Variants in ARB2A observed in about 807,000 individuals in gnomAD.
The protein encoded by ARB2A is ARB2 cotranscriptional regulator A.
chr5:93,639,241 C>A, the ARB2A span, among the ~76,000 whole-genome samples: 1 of 152,200 alleles, frequency 6.6e-6, no homozygotes, highest in African/African-American at 2.4e-5. Flanking sequence ...AAGTTCCTGT[C>A]ACTTTATGAC....
At chr5:93,701,254 A>G in the ARB2A span, among the ~76,000 whole-genome samples, 2 of 152,168 alleles carry the variant, frequency 1.3e-5, no homozygotes, top group African/African-American at 4.8e-5. Flanking sequence ...ATGCTATTCA[A>G]ATGAGCTTCA....
the ARB2A span, among the ~76,000 whole-genome samples, chr5:93,910,333 A>G: frequency 1.3e-5 from 2 of 151,292 alleles, no homozygotes; most frequent in South Asian, 4.2e-4. Flanking sequence ...AAAAGAATAT[A>G]AAGACCAAAA....
chr5:93,709,626 C>G, the ARB2A span, among the ~76,000 whole-genome samples: 1 of 85,576 alleles, frequency 1.2e-5, no homozygotes, highest in African/African-American at 5.6e-5. Flanking sequence ...GGGTGAGACT[C>G]TGTCACAAAA....
At chr5:93,993,599 T>G in the ARB2A span, among the ~76,000 whole-genome samples, 3 of 152,126 alleles carry the variant, frequency 2.0e-5, no homozygotes, top group Non-Finnish European at 4.4e-5. Context: ...CTCCAAAGAT[T>G]ATGAATTATA....
the ARB2A span, chr5:93,737,843 G>A: frequency 2.4e-6 from 1 of 415,000 alleles, no homozygotes; most frequent in Admixed American, 3.1e-5. Context: ...AACTTGAAAT[G>A]GATCAAAGTC....
chr5:94,040,083 G>A, the ARB2A span, among the ~76,000 whole-genome samples: 1 of 152,118 alleles, frequency 6.6e-6, no homozygotes, highest in Admixed American at 6.5e-5. Context: ...AAACTGAGGA[G>A]GGTTAGAGTC....
chr5:93,623,531 G>A, the ARB2A span, among the ~76,000 whole-genome samples: 2 of 152,146 alleles, frequency 1.3e-5, no homozygotes, highest in Non-Finnish European at 2.9e-5. Flanking sequence ...TCCTTCTGAA[G>A]GATGAACAGA....
At chr5:93,753,767 G>A in the ARB2A span, among the ~76,000 whole-genome samples, 3 of 152,176 alleles carry the variant, frequency 2.0e-5, no homozygotes, top group Admixed American at 6.5e-5. Flanking sequence ...CTATAGTAGG[G>A]GCAAGGAATA....
chr5:93,820,494 C>G, the ARB2A span, among the ~76,000 whole-genome samples: 2 of 152,038 alleles, frequency 1.3e-5, no homozygotes, highest in African/African-American at 4.8e-5. Context: ...AAAAAATGAG[C>G]CTGAATTTTT....
At chr5:94,043,659 G>C in the ARB2A span, among the ~76,000 whole-genome samples, 1 of 152,152 alleles carries the variant, frequency 6.6e-6, no homozygotes, top group Non-Finnish European at 1.5e-5. Flanking sequence ...TTTCTGACCT[G>C]TGGCAAATAA....
At chr5:93,824,316 T>A in the ARB2A span, 1 of 1,353,480 alleles carries the variant, frequency 7.4e-7, no homozygotes, top group South Asian at 1.7e-5. Flanking sequence ...CTAATTATTA[T>A]CATAGCAAAC....
chr5:93,830,351 A>ATATATC, the ARB2A span, among the ~76,000 whole-genome samples: 4 of 138,948 alleles, frequency 2.9e-5, no homozygotes, highest in South Asian at 4.6e-4. Flanking sequence ...ATATATATAT[A>ATATATC]TCCACACACA....
At chr5:94,019,058 G>A in the ARB2A span, among the ~76,000 whole-genome samples, 2 of 152,038 alleles carry the variant, frequency 1.3e-5, no homozygotes, top group Admixed American at 6.6e-5. Flanking sequence ...ACAAGCAATG[G>A]GGAAATGATT....
chr5:93,993,578 G>A, the ARB2A span, among the ~76,000 whole-genome samples: 1 of 152,056 alleles, frequency 6.6e-6, no homozygotes, highest in South Asian at 2.1e-4. Context: ...AAGATGGTGG[G>A]AGAGGTGTAT....
chr5:93,705,821 T>C, the ARB2A span, among the ~76,000 whole-genome samples: 3 of 152,122 alleles, frequency 2.0e-5, no homozygotes, highest in Non-Finnish European at 4.4e-5. Context: ...TGATTAGTAA[T>C]GTCAAAAGAG....
the ARB2A span, among the ~76,000 whole-genome samples, chr5:93,948,367 T>C: frequency 6.6e-6 from 1 of 152,222 alleles, no homozygotes; most frequent in Non-Finnish European, 1.5e-5. Context: ...GTTGTTTTTT[T>C]CTTGTAAATT....
the ARB2A span, among the ~76,000 whole-genome samples, chr5:93,797,949 A>G: frequency 1.3e-5 from 2 of 151,910 alleles, no homozygotes; most frequent in African/African-American, 4.8e-5. Context: ...CAAAACATCA[A>G]TGTGTCTGAA....
At chr5:93,627,930 T>C in the ARB2A span, among the ~76,000 whole-genome samples, 4 of 152,154 alleles carry the variant, frequency 2.6e-5, no homozygotes, top group Admixed American at 6.6e-5. Flanking sequence ...CTTTTTTTTT[T>C]CTGAGCAGTA....
At chr5:94,041,397 G>A in the ARB2A span, among the ~76,000 whole-genome samples, 1 of 152,012 alleles carries the variant, frequency 6.6e-6, no homozygotes, top group Non-Finnish European at 1.5e-5. Context: ...TTTTCACAAT[G>A]GCAGCCCAGG....
Sources: gnomAD v4.1 joint callset for allele counts (sites outside exome capture counted in the v4.1 genomes callset) on GRCh38, gnomAD v4.1.1 for gene constraint, MANE v1.5 for transcripts, NCBI Gene and HGNC (gene_info 2026-07-23, HGNC 2026-07-21) for gene names.